Variants in CORIN observed in about 807,000 individuals in gnomAD.
The protein encoded by CORIN is corin, serine peptidase, also known as atrial natriuretic peptide-converting enzyme.
A neutral mutation model predicts 125.3 loss-of-function variants in CORIN; 117 were observed. That is an observed-to-expected ratio of 0.93 (90% CI 0.80 to 1.09). CORIN has a LOEUF of 1.09. Ranked by LOEUF, CORIN falls within the 50% of genes least tolerant of loss-of-function variation. The probability of loss-of-function intolerance (pLI) is 0.00; values close to 1 mark genes in which losing one functional copy is unlikely to be tolerated. For missense variants in CORIN, 1,253 were observed against 1,306.7 expected (o/e 0.96, Z 0.63); for synonymous variants, 450 against 466.4 (o/e 0.96, Z 0.45).
intron 3 of CORIN, among the ~76,000 whole-genome samples, chr4:47,770,877 T>A (rs1257844425): frequency 6.6e-6 from 1 of 152,050 alleles, no homozygotes; most frequent in African/African-American, 2.4e-5. Flanking sequence ...ACTAGGGGTA[T>A]AAGGGTGAGG....
At chr4:47,626,368 A>T (rs1181004419) in intron 17 of CORIN, 37 bp downstream of exon 17, 2 of 1,227,358 alleles carry the variant, frequency 1.6e-6, no homozygotes, top group Non-Finnish European at 2.4e-6. Flanking sequence ...TTGCTCTGTA[A>T]TCTGACTCTA....
intron 5 of CORIN, among the ~76,000 whole-genome samples, chr4:47,727,748 G>A (rs1267345924): frequency 6.6e-6 from 1 of 152,030 alleles, no homozygotes; most frequent in Non-Finnish European, 1.5e-5. Flanking sequence ...TTTGGTGAAT[G>A]TCAAGGCACT....
At chr4:47,647,520 T>C (rs937547642) in intron 13 of CORIN, among the ~76,000 whole-genome samples, 1 of 152,098 alleles carries the variant, frequency 6.6e-6, no homozygotes, top group African/African-American at 2.4e-5. Flanking sequence ...CAAATAATAA[T>C]AATAATAATG....
chr4:47,656,152 AT>A (rs199763449), intron 12 of CORIN, among the ~76,000 whole-genome samples: 1,654 of 133,664 alleles, frequency 0.012, 10 homozygotes, highest in African/African-American at 0.025. Context: ...ACCATTTAGG[AT>A]TTTTTTTTTT....
At chr4:47,691,717 T>TGA (rs1725780292) in intron 6 of CORIN, among the ~76,000 whole-genome samples, 2 of 152,138 alleles carry the variant, frequency 1.3e-5, no homozygotes, top group African/African-American at 4.8e-5. Flanking sequence ...GAAGTAGACC[T>TGA]GATAGTATTT....
chr4:47,677,319 G>C (rs564310829), intron 9 of CORIN, among the ~76,000 whole-genome samples: 1 of 152,276 alleles, frequency 6.6e-6, no homozygotes, highest in Admixed American at 6.5e-5. Flanking sequence ...TTAACAACTA[G>C]GCTGTGCCCG....
intron 2 of CORIN, among the ~76,000 whole-genome samples, chr4:47,804,106 G>T (rs763076887): frequency 1.1e-3 from 163 of 152,226 alleles, no homozygotes; most frequent in Non-Finnish European, 1.9e-3. Flanking sequence ...ATGAAAAGGG[G>T]CTCAACATCA....
intron 9 of CORIN, 73 bp downstream of exon 9, chr4:47,677,865 C>T: frequency 9.1e-7 from 1 of 1,099,496 alleles, no homozygotes; most frequent in Non-Finnish European, 1.4e-6. Flanking sequence ...TAAGCAACTT[C>T]AAATGTGTTC....
chr4:47,816,698 G>A (rs1732282854), intron 1 of CORIN, among the ~76,000 whole-genome samples: 1 of 152,146 alleles, frequency 6.6e-6, no homozygotes. Flanking sequence ...TTGGTTGAAG[G>A]AGGAGGGGGG....
intron 12 of CORIN, 65 bp from the exon 13 acceptor site, chr4:47,653,725 T>C (rs1265290676): frequency 3.6e-6 from 5 of 1,370,126 alleles, no homozygotes; most frequent in South Asian, 1.2e-5. Flanking sequence ...TTTATGTATT[T>C]ACATGTAGGA....
At chr4:47,684,046 A>G (rs554495433) in intron 6 of CORIN, among the ~76,000 whole-genome samples, 7 of 152,316 alleles carry the variant, frequency 4.6e-5, no homozygotes, top group Admixed American at 4.6e-4. Flanking sequence ...AAGTGATTTT[A>G]TCACTTTCTG....
intron 15 of CORIN, among the ~76,000 whole-genome samples, chr4:47,642,548 A>G (rs1723276430): frequency 6.6e-6 from 1 of 152,262 alleles, no homozygotes. Context: ...ACGCTGCACA[A>G]TTGATCACAA....
intron 5 of CORIN, 49 bp from the exon 6 acceptor site, chr4:47,693,132 T>C (rs908090102): frequency 8.4e-7 from 1 of 1,189,070 alleles, no homozygotes. Context: ...GGGTTTTTTT[T>C]CTTTTAAGAT....
chr4:47,731,006 G>A (rs1291107184), intron 5 of CORIN, among the ~76,000 whole-genome samples: 1 of 152,242 alleles, frequency 6.6e-6, no homozygotes, highest in Non-Finnish European at 1.5e-5. Context: ...GGTGGTTGTG[G>A]AGATAGTGAG....
chr4:47,832,432 TTTC>T (rs925256115), intron 1 of CORIN, among the ~76,000 whole-genome samples: 32 of 142,350 alleles, frequency 2.2e-4, no homozygotes, highest in African/African-American at 6.2e-4. Context: ...TCTTTCTTTC[TTTC>T]TTTTCTTTTC....
At chr4:47,716,204 T>G (rs143314377) in intron 5 of CORIN, among the ~76,000 whole-genome samples, 2 of 152,334 alleles carry the variant, frequency 1.3e-5, no homozygotes, top group East Asian at 3.9e-4. Context: ...TGTACCAACT[T>G]GCTCCCAACA....
intron 5 of CORIN, among the ~76,000 whole-genome samples, chr4:47,699,290 A>C (rs1450070295): frequency 6.6e-6 from 1 of 152,216 alleles, no homozygotes; most frequent in Non-Finnish European, 1.5e-5. Flanking sequence ...TGGCTTCCTC[A>C]GAAGTATCTG....
chr4:47,677,329 G>T (rs1305972054), intron 9 of CORIN, among the ~76,000 whole-genome samples: 1 of 152,178 alleles, frequency 6.6e-6, no homozygotes, highest in Non-Finnish European at 1.5e-5. Context: ...GGCTGTGCCC[G>T]TGTAGTATAA....
At chr4:47,739,851 C>T (rs532444116) in intron 5 of CORIN, among the ~76,000 whole-genome samples, 1 of 151,698 alleles carries the variant, frequency 6.6e-6, no homozygotes, top group Non-Finnish European at 1.5e-5. Context: ...TGTTGAAATT[C>T]GGTTAGGATT....
Sources: allele counts gnomAD v4.1 joint callset (sites outside exome capture counted in the v4.1 genomes callset), GRCh38; gene constraint gnomAD v4.1.1; transcripts MANE v1.5; gene names NCBI Gene and HGNC (gene_info 2026-07-23, HGNC 2026-07-21).